Variants in PCDH15 observed in about 807,000 individuals in gnomAD.
PCDH15 encodes the protein protocadherin related 15.
PCDH15 carries 129 observed loss-of-function variants against 178.5 expected under a neutral mutation model. The ratio of observed to expected loss-of-function variants is 0.72; its 90% CI spans 0.63 to 0.84. The LOEUF is 0.84. Among genes scored for constraint, PCDH15 ranks in the 40% least tolerant of loss-of-function variants. The pLI, the probability that PCDH15 is intolerant of heterozygous loss-of-function variation, is 0.00. For synonymous variants in PCDH15, 800 were observed against 732.0 expected (o/e 1.09, Z -1.50); for missense variants, 2,230 against 2,099.9 (o/e 1.06, Z -1.21).
At chr10:54,612,006 G>C (rs1475767267) in intron 2 of PCDH15, among the ~76,000 whole-genome samples, 2 of 151,796 alleles carry the variant, frequency 1.3e-5, no homozygotes, top group East Asian at 3.9e-4. Context: ...AAATAATAAG[G>C]TCCATCTCAT....
At chr10:54,532,540 T>C (rs2084035348) in intron 2 of PCDH15, among the ~76,000 whole-genome samples, 1 of 152,160 alleles carries the variant, frequency 6.6e-6, no homozygotes, top group South Asian at 2.1e-4. Context: ...CACGGTTGTG[T>C]CCACAGGGCA....
rs1206395882 is a variant in PCDH15 at position 54,421,569 on chromosome 10, A to G, written c.158-42627T>C. On this transcript the variant is annotated intron_variant, in intron 3 of 37. Transcript: ENST00000644397. ...TAGTATGTTAACTAATTCGTATAAG[A>G]TGCCTACAAACTACATACCTGCCTA... Among the ~76,000 whole-genome samples, 7 of 144,566 alleles carry G rather than the reference A, an allele frequency of 4.8e-5. No homozygotes were observed. The South Asian group carries it at 8.5e-4, about 18-fold the overall frequency. 94.8% of individuals were successfully genotyped at this position (144,566 alleles called of 152,430 possible). A position where few individuals can be genotyped will look rare whatever the true frequency, so the allele number is the denominator to read the frequency against.
At chr10:55,324,033 T>C (rs991362333), upstream of PCDH15, among the ~76,000 whole-genome samples, 17 of 152,094 alleles carry the variant, frequency 1.1e-4, no homozygotes, top group African/African-American at 3.6e-4. Context: ...TCTGAAGCTT[T>C]TTCAAATGGG....
chr10:55,091,432 T>TA (rs1327564007), intron 2 of PCDH15, among the ~76,000 whole-genome samples: 12 of 151,038 alleles, frequency 7.9e-5, no homozygotes, highest in Admixed American at 7.3e-4. Context: ...AATGCACTTT[T>TA]AAAAAATGCT....
rs182964513 is a variant in PCDH15, at chr10:54,460,977, C to T, written c.157+66835G>A. ...ACCATTTATATTAATGTCTGATAAACAGATACAAAGTGCCTAAAGGATTCT... is the reference window on the plus strand; with the variant it reads ...ACCATTTATATTAATGTCTGATAAATAGATACAAAGTGCCTAAAGGATTCT... On this transcript the variant is annotated intron_variant, in intron 3 of 37. Transcript: ENST00000644397. Among the ~76,000 whole-genome samples, 221 of 151,944 alleles carry T rather than the reference C, an allele frequency of 1.5e-3. 4 individuals are homozygous for T. The Middle Eastern group carries it at 0.024, about 16-fold the overall frequency.
chr10:54,441,953 G>T (rs190875996), intron 3 of PCDH15, among the ~76,000 whole-genome samples: 2 of 151,820 alleles, frequency 1.3e-5, no homozygotes, highest in African/African-American at 4.8e-5. Context: ...CTCTCTATCT[G>T]CTCCCACCAT....
intron 1 of PCDH15, among the ~76,000 whole-genome samples, chr10:55,187,980 G>A (rs147767630): frequency 6.6e-6 from 1 of 151,898 alleles, no homozygotes; most frequent in South Asian, 2.1e-4. Context: ...CCGTTAGGAC[G>A]CTATGGCAAT....
intron 2 of PCDH15, among the ~76,000 whole-genome samples, chr10:54,642,332 A>G (rs1381947777): frequency 6.6e-6 from 1 of 152,172 alleles, no homozygotes; most frequent in African/African-American, 2.4e-5. Context: ...AGCAGTTTAA[A>G]GTGTTATGTT....
chr10:54,066,797 A>T lies in PCDH15; in HGVS notation c.2180T>A (p.Val727Glu). ...FDPYLPRNLS[V>E]VEEEANAFVG... Reference sequence around the variant, plus strand: ...AAAGGCATTGGCTTCTTCTTCCACCACAGATAAATTTCTTGGCAGATAAGG... The same window carrying T: ...AAAGGCATTGGCTTCTTCTTCCACCTCAGATAAATTTCTTGGCAGATAAGG... Residue 727 changes from valine to glutamate, a missense_variant, in exon 18 of 38, where the codon GTG becomes GAG. Physicochemically the swap from Val to Glu is moderately radical, Grantham distance 121 (BLOSUM62 -2). Transcript: ENST00000644397. 6.2e-7 allele frequency: 1 copy of T among 1,613,468 alleles called. No homozygotes were observed. Among genetic ancestry groups the T allele is most frequent in the Non-Finnish European group, 8.5e-7 (1 of 1,179,604 alleles).
chr10:53,951,984 GCAGATTCCACTGAAGGCAC>G (rs2087107349), intron 23 of PCDH15, among the ~76,000 whole-genome samples: 1 of 152,216 alleles, frequency 6.6e-6, no homozygotes, highest in Non-Finnish European at 1.5e-5. Flanking sequence ...TGCACTGCAA[GCAGATTCCACTGAAGGCAC>G]CCATGTCTGG....
chr10:55,057,127 C>T (rs184897522), intron 2 of PCDH15, among the ~76,000 whole-genome samples: 7 of 152,184 alleles, frequency 4.6e-5, no homozygotes, highest in Admixed American at 3.3e-4. Flanking sequence ...CCTGTGCTAT[C>T]GTCAGACAAG....
intron 2 of PCDH15, among the ~76,000 whole-genome samples, chr10:55,548,210 G>GCGCGCACA (rs386371439): frequency 1.7e-5 from 2 of 121,190 alleles, no homozygotes; most frequent in African/African-American, 5.6e-5. Flanking sequence ...AATGCCTAAT[G>GCGCGCACA]CACACACACA....
At chr10:54,598,828 CAA>C (rs951882066) in intron 2 of PCDH15, among the ~76,000 whole-genome samples, 8 of 152,052 alleles carry the variant, frequency 5.3e-5, no homozygotes, top group Non-Finnish European at 8.8e-5. Flanking sequence ...TATACATCAA[CAA>C]CAGCCAAGCT....
intron 2 of PCDH15, among the ~76,000 whole-genome samples, chr10:55,066,982 C>A (rs2132006727): frequency 6.6e-6 from 1 of 151,950 alleles, no homozygotes; most frequent in African/African-American, 2.4e-5. Context: ...CTAACTTGAT[C>A]ATTACACATT....
chr10:54,114,793 T>C (rs950373609), intron 15 of PCDH15, among the ~76,000 whole-genome samples: 1 of 152,060 alleles, frequency 6.6e-6, no homozygotes. Flanking sequence ...AAATAGCAAG[T>C]GAACGGTTCC....
At chr10:54,430,049 C>T (rs1179891548) in intron 3 of PCDH15, among the ~76,000 whole-genome samples, 2 of 119,544 alleles carry the variant, frequency 1.7e-5, no homozygotes, top group Non-Finnish European at 3.4e-5. Context: ...CCTTCTTCTC[C>T]TTTTTTTTTT....
chr10:55,253,949 T>C (rs1841918144), intron 1 of PCDH15, among the ~76,000 whole-genome samples: 1 of 152,200 alleles, frequency 6.6e-6, no homozygotes, highest in South Asian at 2.1e-4. Flanking sequence ...GACAGATAAT[T>C]ACACAAAATG....
At chr10:55,578,817 T>C (rs980760046) in intron 2 of PCDH15, among the ~76,000 whole-genome samples, 4 of 152,106 alleles carry the variant, frequency 2.6e-5, no homozygotes, top group Middle Eastern at 3.4e-3. Context: ...GCAGGGGAAT[T>C]CTCATTTATA....
intron 2 of PCDH15, among the ~76,000 whole-genome samples, chr10:55,511,236 A>T (rs950619009): frequency 6.8e-6 from 1 of 147,010 alleles, no homozygotes; most frequent in Admixed American, 6.9e-5. Flanking sequence ...ACCAAAAGCC[A>T]CTTTGGAAAG....
Sources: gnomAD v4.1 joint callset for allele counts (sites outside exome capture counted in the v4.1 genomes callset) on GRCh38, gnomAD v4.1.1 for gene constraint, MANE v1.5 for transcripts, NCBI Gene and HGNC (gene_info 2026-07-23, HGNC 2026-07-21) for gene names.